URGCP: variants seen among roughly 807,000 people sequenced by gnomAD.
The protein encoded by URGCP is upregulator of cell proliferation.
In URGCP, 13 loss-of-function variants were observed where a neutral mutation model predicts 24.6. The observed-to-expected ratio is 0.53, with a 90% CI of 0.34 to 0.84. URGCP has a LOEUF of 0.84. URGCP is among the 40% of genes least tolerant of loss of function. The pLI is 0.01. For missense variants in URGCP, 899 were observed against 1,194.3 expected (o/e 0.75, Z 3.64); for synonymous variants, 444 against 487.2 (o/e 0.91, Z 1.17).
In URGCP at chr7:43,876,978, C is replaced by T. The variant is rs779323656; in HGVS notation, c.2485G>A (p.Gly829Ser). The T allele has an allele frequency of 7.4e-6, 12 of 1,614,140 alleles. No homozygotes were observed. The highest frequency in any genetic ancestry group is 2.7e-5 in the African/African-American group (2 of 75,042). The stretch of plus-strand genomic sequence containing the variant: ...TGTCTCTTGTCTCTGGGCCTAGGGC[C>T]GGGAACAGATACATCATGAAGGTTC... ...YQNLHDVSVP[G>S]PRPRDKRQLL... The change falls in exon 6 of 6, where the codon GGC becomes AGC. Residue 829 changes from glycine to serine, a missense_variant. Coordinates refer to ENST00000453200, the MANE Select transcript of URGCP (RefSeq NM_001077663.3).
rs1334983322 is a variant in URGCP, at chr7:43,899,336, T to A, written c.14+7226A>T. 2.7e-5 allele frequency among the ~76,000 whole-genome samples: 4 copies of A among 149,938 alleles called. No homozygotes were observed. The East Asian group carries it at 7.8e-4, about 29-fold the overall frequency. On this transcript the variant is annotated intron_variant, in intron 1 of 5. Coordinates refer to ENST00000453200, the MANE Select transcript of URGCP (RefSeq NM_001077663.3). Reference sequence around the variant, plus strand: ...GATCTCACTATGTTGCCCAGGCCAGTCTCAAATCCTGGGATCATGTGATCC... The same window carrying A: ...GATCTCACTATGTTGCCCAGGCCAGACTCAAATCCTGGGATCATGTGATCC...
chr7:43,895,611 G>T (rs751554773), intron 1 of URGCP, among the ~76,000 whole-genome samples: 5 of 152,182 alleles, frequency 3.3e-5, no homozygotes, highest in African/African-American at 1.2e-4. Context: ...GGAGGCAGAG[G>T]TTGCAGTGAG....
chr7:43,885,986 C>T (rs145892720), intron 3 of URGCP, among the ~76,000 whole-genome samples: 56 of 152,368 alleles, frequency 3.7e-4, no homozygotes, highest in Middle Eastern at 3.4e-3. Context: ...AATTCTGCTA[C>T]AAGCCTTGAC....
chr7:43,918,779 G>A lies in URGCP; in HGVS notation c.-116+7353C>T, dbSNP rs2095918622. On this transcript the variant is annotated intron_variant, in intron 1 of 5. Coordinates refer to the URGCP transcript ENST00000426198. The stretch of plus-strand genomic sequence containing the variant: ...AGTTCTGGAAACAGCTGTGCACTGA[G>A]CATGGTATCAGCCCCAAGGGCACCA... 4.3e-6 allele frequency: 4 copies of A among 931,324 alleles called. No individual in the cohort carries two copies. The Admixed American group carries it at 5.2e-5, about 12-fold the overall frequency. 57.7% of individuals were successfully genotyped at this position (931,324 alleles called of 1,614,324 possible).
chr7:43,910,379 CTAATTTT>C (rs1347225108), upstream of URGCP, among the ~76,000 whole-genome samples: 22 of 134,630 alleles, frequency 1.6e-4, no homozygotes, highest in East Asian at 4.2e-3. Context: ...CCATGTCTGG[CTAATTTT>C]TTTTTTTTTT....
chr7:43,900,864 G>A (rs1043126685), intron 1 of URGCP, among the ~76,000 whole-genome samples: 1 of 152,142 alleles, frequency 6.6e-6, no homozygotes, highest in Non-Finnish European at 1.5e-5. Context: ...TACTCACGTG[G>A]GCCATGTGAG....
At chr7:43,879,616 A>C in intron 5 of URGCP, 1 of 206,502 alleles carries the variant, frequency 4.8e-6, no homozygotes, top group Non-Finnish European at 9.8e-6. Context: ...CTCAAAATTA[A>C]TTGGCTACAG....
intron 1 of URGCP, among the ~76,000 whole-genome samples, chr7:43,922,167 C>T (rs1235930087): frequency 6.6e-6 from 1 of 152,132 alleles, no homozygotes; most frequent in Non-Finnish European, 1.5e-5. Flanking sequence ...CAGGTTCAAG[C>T]GATTCTGCCT....
rs1258850222 is a variant in URGCP, at chr7:43,876,829, G to A, written c.2634C>T (p.Ile878=). The A allele has an allele frequency of 3.7e-6, 6 of 1,614,072 alleles. No homozygotes were observed. The South Asian group carries it at 5.5e-5, about 15-fold the overall frequency. Residue 878 remains isoleucine (I), a synonymous_variant, in exon 6 of 6, where the codon ATC becomes ATT. Transcript: ENST00000453200. ...GAGGTGCTCCGTGCCACAGGCCTGG[G>A]ATGTGCCAGATGTGCTGCTTCTCAG... ...CDPEKQHIWH[I]PGLWHGAPPM...
intron 1 of URGCP, among the ~76,000 whole-genome samples, chr7:43,897,548 C>T (rs1006239990): frequency 5.3e-5 from 8 of 150,804 alleles, no homozygotes; most frequent in Non-Finnish European, 7.4e-5. Context: ...CTTTACAGGC[C>T]ACAAAAGACT....
chr7:43,879,193 G>A lies in URGCP; in HGVS notation c.270C>T (p.Leu90=), dbSNP rs757900525. The change falls in exon 6 of 6, where the codon CTC becomes CTT. Residue 90 remains leucine (L), a synonymous_variant. Coordinates refer to ENST00000453200, the MANE Select transcript of URGCP (RefSeq NM_001077663.3). ...LGLETYQVQK[L]SLQDSLQISF... ...TGATCTGCAGAGAGTCCTGGAGGCT[G>A]AGTTTCTGGACCTGGTACGTCTCTA... The A allele has an allele frequency of 1.1e-5, 17 of 1,613,868 alleles. No homozygotes were observed. Among genetic ancestry groups the A allele is most frequent in the Non-Finnish European group, 8.5e-7 (1 of 1,180,034 alleles).
At chr7:43,898,946 G>A (rs1484618307) in intron 1 of URGCP, among the ~76,000 whole-genome samples, 1 of 149,540 alleles carries the variant, frequency 6.7e-6, no homozygotes, top group East Asian at 1.9e-4. Context: ...GACTAGCCTG[G>A]CCAACATGGT....
intron 1 of URGCP, among the ~76,000 whole-genome samples, chr7:43,916,877 G>T (rs1383879751): frequency 6.6e-6 from 1 of 152,030 alleles, no homozygotes; most frequent in Non-Finnish European, 1.5e-5. Flanking sequence ...GGGAACCAGG[G>T]ACGCCTTGCT....
intron 1 of URGCP, among the ~76,000 whole-genome samples, chr7:43,903,602 T>G (rs2095895579): frequency 6.6e-6 from 1 of 152,128 alleles, no homozygotes; most frequent in Non-Finnish European, 1.5e-5. Flanking sequence ...CTAGTGTAGT[T>G]GGAAATGAAA....
rs200729429 is a variant in URGCP at position 43,877,510 on chromosome 7, C to T, written c.1953G>A (p.Ser651=). ...GAGGCAGCCCTGTCAGCAGCAGCTCCGAGGCCAAGCCTGGGAAGTGGGCAA... is the reference window on the plus strand; with the variant it reads ...GAGGCAGCCCTGTCAGCAGCAGCTCTGAGGCCAAGCCTGGGAAGTGGGCAA... ...RRFAHFPGLA[S]ELLLTGLPLE... Residue 651 remains serine, a synonymous_variant, in exon 6 of 6, where the codon TCG becomes TCA. Transcript: ENST00000453200. 671 of 1,613,264 alleles carry T rather than the reference C, an allele frequency of 4.2e-4. 8 individuals carry two copies. The South Asian group carries it at 6.8e-3, about 16-fold the overall frequency.
rs1233986210 is a variant in URGCP at position 43,877,199 on chromosome 7, C to G, written c.2264G>C (p.Gly755Ala). The G allele has an allele frequency of 1.2e-6, 2 of 1,614,132 alleles. No individual in the cohort carries two copies. Among genetic ancestry groups the G allele is most frequent in the Non-Finnish European group, 1.7e-6 (2 of 1,180,006 alleles). Residue 755 changes from glycine to alanine, a missense_variant, in exon 6 of 6, where the codon GGC (glycine) becomes GCC (alanine). Coordinates refer to ENST00000453200, the MANE Select transcript of URGCP (RefSeq NM_001077663.3). ...CDHILVIDSG[G>A]LIGGALTSAG... ...TGACGTCAAGGCCCCACCTATCAAG[C>G]CCCCGGAGTCTATCACCAGGATGTG...
At chr7:43,912,063 A>G (rs944595994) in intron 1 of URGCP, among the ~76,000 whole-genome samples, 3 of 152,208 alleles carry the variant, frequency 2.0e-5, no homozygotes, top group Admixed American at 1.3e-4. Flanking sequence ...GTCAGTTCTA[A>G]GAGGGCAATT....
intron 3 of URGCP, among the ~76,000 whole-genome samples, chr7:43,886,190 G>A (rs2095861812): frequency 6.6e-6 from 1 of 152,164 alleles, no homozygotes; most frequent in Middle Eastern, 3.2e-3. Flanking sequence ...GTCTCACTAT[G>A]TTGCGCAGGT....
chr7:43,878,171 A>G lies in URGCP; in HGVS notation c.1292T>C (p.Ile431Thr), dbSNP rs2095848278. ...STDSDSFVKR[I>T]RAIVGNVLRA... ...CAGCACATTCCCAACGATGGCCCGG[A>G]TCCTCTTCACGAAGCTGTCGCTGTC... Residue 431 changes from isoleucine to threonine, a missense_variant, in exon 6 of 6, where the codon ATC becomes ACC. Physicochemically the swap from Ile to Thr is moderately conservative, Grantham distance 89. Coordinates refer to ENST00000453200, the MANE Select transcript of URGCP (RefSeq NM_001077663.3). The surrounding 1 kb of genome is among the most constrained non-coding windows in gnomAD (Gnocchi z 5.6). 3 of 1,614,144 alleles carry G rather than the reference A, an allele frequency of 1.9e-6. No homozygotes were observed. Among genetic ancestry groups the G allele is most frequent in the Non-Finnish European group, 2.5e-6 (3 of 1,180,032 alleles).
Sources: allele counts gnomAD v4.1 joint callset (sites outside exome capture counted in the v4.1 genomes callset), GRCh38; gene constraint gnomAD v4.1.1; non-coding constraint Gnocchi (gnomAD v3.1); transcripts MANE v1.5; gene names NCBI Gene and HGNC (gene_info 2026-07-23, HGNC 2026-07-21).